Variants in LIN9 observed in about 807,000 individuals in gnomAD.
LIN9 encodes the protein lin-9 DREAM MuvB core complex component.
Under a neutral mutation model 78.0 loss-of-function variants are expected in LIN9, and 18 were observed. The observed-to-expected ratio is 0.23, with a 90% CI of 0.16 to 0.34. The LOEUF (loss-of-function observed/expected upper bound fraction) is 0.34. Ranked by LOEUF, LIN9 falls within the 10% of genes least tolerant of loss-of-function variation. The pLI, the probability that LIN9 is intolerant of heterozygous loss-of-function variation, is 1.00. For synonymous variants in LIN9, 192 were observed against 215.2 expected, an observed-to-expected ratio of 0.89 and a Z score of 0.94; for missense variants, 451 against 644.1, an observed-to-expected ratio of 0.70 and a Z score of 3.25.
intron 7 of LIN9, among the ~76,000 whole-genome samples, chr1:226,273,218 T>C (rs1660418251): frequency 6.6e-6 from 1 of 151,394 alleles, no homozygotes; most frequent in African/African-American, 2.4e-5. Flanking sequence ...TTGTTCCCTG[T>C]CCCTTCTTTC....
At chr1:226,309,431 G>A (rs1663157547), upstream of LIN9, 4 of 1,002,432 alleles carry the variant, frequency 4.0e-6, no homozygotes, top group African/African-American at 1.7e-5. Context: ...GGAGCGCGGG[G>A]GGAGCAGTAC....
At position 226,233,467 on chromosome 1, in the gene LIN9, C is replaced by A; in HGVS notation, c.1302G>T (p.Arg434Ser). 1 of 1,614,194 alleles carries A rather than the reference C, an allele frequency of 6.2e-7. No individual in the cohort carries two copies. Among genetic ancestry groups the A allele is most frequent in the East Asian group, 2.2e-5 (1 of 44,888 alleles). The change falls in exon 13 of 15, where the codon AGG becomes AGT. Residue 434 changes from arginine to serine, a missense_variant. Coordinates refer to ENST00000681046, the MANE Select transcript of LIN9 (RefSeq NM_001366245.2). ...PADQPTDMRR[R>S]CEEEAQEIVR... Reference sequence around the variant, plus strand: ...CAATTTCCTGTGCTTCTTCCTCACACCTGCGTCTCATATCTGTTGGCTGAT... The same window carrying A: ...CAATTTCCTGTGCTTCTTCCTCACAACTGCGTCTCATATCTGTTGGCTGAT...
chr1:226,305,868 T>G (rs1163079623), intron 1 of LIN9, among the ~76,000 whole-genome samples: 1 of 152,060 alleles, frequency 6.6e-6, no homozygotes, highest in African/African-American at 2.4e-5. Context: ...CGCTGTGTGT[T>G]TGTGGGAAGG....
chr1:226,273,920 C>A (rs998665550), intron 7 of LIN9, among the ~76,000 whole-genome samples: 1 of 151,928 alleles, frequency 6.6e-6, no homozygotes, highest in African/African-American at 2.4e-5. Flanking sequence ...TCACTGCAAC[C>A]TCCGCCTCCT....
upstream of LIN9, chr1:226,309,429 G>T (rs543096916): frequency 8.0e-5 from 80 of 1,001,866 alleles, 1 homozygote; most frequent in South Asian, 1.6e-4. Context: ...CCGGAGCGCG[G>T]GGGGAGCAGT....
intron 11 of LIN9, among the ~76,000 whole-genome samples, chr1:226,244,288 C>T (rs989610603): frequency 4.0e-5 from 6 of 150,816 alleles, no homozygotes; most frequent in South Asian, 2.2e-4. Context: ...AAAAATTAGC[C>T]GGGCGCGGTG....
At chr1:226,266,439 T>A in intron 8 of LIN9, 107 bp from the exon 9 acceptor site, 1 of 806,786 alleles carries the variant, frequency 1.2e-6, no homozygotes. Flanking sequence ...TATTCTATGA[T>A]TCATATAGAA....
chr1:226,301,011 T>G (rs891498480), intron 2 of LIN9, among the ~76,000 whole-genome samples, 162 bp downstream of exon 2: 2 of 152,206 alleles, frequency 1.3e-5, no homozygotes, highest in Non-Finnish European at 2.9e-5. Context: ...TGAGGATCAA[T>G]TCTCCTATAA....
chr1:226,297,701 GA>G lies in LIN9; in HGVS notation c.159+17del, dbSNP rs777498069. 1.3e-6 allele frequency: 2 copies of G among 1,498,766 alleles called. No individual in the cohort carries two copies. Among genetic ancestry groups the G allele is most frequent in the Non-Finnish European group, 1.8e-6 (2 of 1,110,178 alleles). The allele number at this position is 1,498,766 out of a possible 1,614,324, so 92.8% of individuals were successfully genotyped here. On this transcript the variant is annotated intron_variant, in intron 3 of 14. Coordinates refer to ENST00000681046, the MANE Select transcript of LIN9 (RefSeq NM_001366245.2). ...TAGCTAGAATTATTCTAAAATGTAA[GA>G]AAAACTCACTCCTTACCATTTCCAC...
chr1:226,272,381 C>CTTTT (rs570128823), intron 7 of LIN9, among the ~76,000 whole-genome samples: 3 of 125,952 alleles, frequency 2.4e-5, no homozygotes, highest in Non-Finnish European at 5.1e-5. Flanking sequence ...ATTGAAGTGG[C>CTTTT]TTTTTTTTTT....
chr1:226,292,273 G>A (rs1028968475), intron 4 of LIN9, among the ~76,000 whole-genome samples: 2 of 151,890 alleles, frequency 1.3e-5, no homozygotes, highest in Non-Finnish European at 2.9e-5. Context: ...TGATTCTCCT[G>A]TCTCAGCCTC....
At chr1:226,261,202 G>C (rs956521488) in intron 10 of LIN9, among the ~76,000 whole-genome samples, 5 of 151,166 alleles carry the variant, frequency 3.3e-5, no homozygotes, top group East Asian at 3.9e-4. Flanking sequence ...TGAGAAACTA[G>C]AAGTTTTCCC....
intron 2 of LIN9, 88 bp from the exon 3 acceptor site, chr1:226,297,901 T>A: frequency 1.9e-6 from 1 of 519,406 alleles, no homozygotes; most frequent in Non-Finnish European, 3.3e-6. Context: ...AACAGCCATA[T>A]ATCTAAAATA....
At chr1:226,272,900 C>T (rs1292506897) in intron 7 of LIN9, among the ~76,000 whole-genome samples, 1 of 152,042 alleles carries the variant, frequency 6.6e-6, no homozygotes, top group Non-Finnish European at 1.5e-5. Flanking sequence ...CGCGATGGGT[C>T]CCTGGTCCCA....
chr1:226,285,824 C>T (rs1250595579), intron 6 of LIN9, among the ~76,000 whole-genome samples: 2 of 152,148 alleles, frequency 1.3e-5, no homozygotes, highest in Non-Finnish European at 2.9e-5. Flanking sequence ...CAGAACTTTA[C>T]AGCATCCTTA....
chr1:226,232,196 A>T lies in LIN9; in HGVS notation c.*305T>A, dbSNP rs1321157251. 1.2e-5 allele frequency: 5 copies of T among 400,266 alleles called. No homozygotes were observed. The highest frequency in any genetic ancestry group is 1.3e-5 in the Non-Finnish European group (3 of 227,008). 24.8% of individuals were successfully genotyped at this position (400,266 alleles called of 1,614,324 possible). A position where few individuals can be genotyped will look rare whatever the true frequency, so the allele number is the denominator to read the frequency against. ...GGTGAATTCATGCACATTAAAAAAA[A>T]TGGTCAATGTATTCTTCCACGAAAT... On this transcript the variant is annotated 3_prime_UTR_variant, in exon 15 of 15. Coordinates refer to ENST00000681046, the MANE Select transcript of LIN9 (RefSeq NM_001366245.2).
At chr1:226,309,350 TCCG>T, upstream of LIN9, 1 of 988,590 alleles carries the variant, frequency 1.0e-6, no homozygotes, top group Non-Finnish European at 1.2e-6. Flanking sequence ...GCCTCGCCCC[TCCG>T]CCGCCGCCTC....
chr1:226,266,551 A>G (rs908701675), intron 8 of LIN9, among the ~76,000 whole-genome samples: 7 of 151,776 alleles, frequency 4.6e-5, no homozygotes, highest in African/African-American at 1.7e-4. Flanking sequence ...CTTTGCTGCC[A>G]AAAGGATGAA....
At position 226,266,843 on chromosome 1, in the gene LIN9, G is replaced by A. The variant is rs183319902; in HGVS notation, c.817-511C>T. Among the ~76,000 whole-genome samples, 451 of 151,310 alleles carry A rather than the reference G, an allele frequency of 3.0e-3. 2 individuals are homozygous for A. Among genetic ancestry groups the A allele is most frequent in the African/African-American group, 1.0e-2 (411 of 41,188 alleles). ...TGACCAAACTGGAGTGCAATGGCGC[G>A]ATCTCGGATCACTGCAGCCTCCACC... On this transcript the variant is annotated intron_variant, in intron 8 of 14. Transcript: ENST00000681046.
Sources: allele counts gnomAD v4.1 joint callset (sites outside exome capture counted in the v4.1 genomes callset), GRCh38; gene constraint gnomAD v4.1.1; transcripts MANE v1.5; gene names NCBI Gene and HGNC (gene_info 2026-07-23, HGNC 2026-07-21).